Variants in GNPDA2 observed in about 807,000 individuals in gnomAD.
GNPDA2 encodes the protein glcN6P deaminase 2.
GNPDA2 carries 24 observed loss-of-function variants against 27.0 expected under a neutral mutation model. That is an observed-to-expected ratio of 0.89 (90% CI 0.64 to 1.25). GNPDA2 has a LOEUF of 1.25. Among genes scored for constraint, GNPDA2 ranks in the 50% most tolerant of loss-of-function variants. The probability of loss-of-function intolerance (pLI) is 0.00; values close to 1 mark genes in which losing one functional copy is unlikely to be tolerated. For missense variants in GNPDA2, 286 were observed against 335.1 expected, an observed-to-expected ratio of 0.85 and a Z score of 1.14; for synonymous variants, 94 against 108.4, an observed-to-expected ratio of 0.87 and a Z score of 0.83.
chr4:44,709,941 C>T (rs139245792), intron 5 of GNPDA2, among the ~76,000 whole-genome samples: 2 of 152,202 alleles, frequency 1.3e-5, no homozygotes, highest in Admixed American at 6.5e-5. Flanking sequence ...TCACACACTG[C>T]ACTCCTGTCT....
Position 44,717,191 on chromosome 4 carries a change from C to A in GNPDA2, c.331G>T (p.Ala111Ser). 6.2e-7 allele frequency: 1 copy of A among 1,607,750 alleles called. No individual in the cohort carries two copies. Residue 111 changes from alanine to serine, a missense_variant, in exon 4 of 7, where the codon GCT becomes TCT. By Grantham distance (99) the Ala-to-Ser change is moderately conservative. Coordinates refer to ENST00000295448, the MANE Select transcript of GNPDA2 (RefSeq NM_138335.3). Reference protein sequence around the residue: ...PNNAHILDGNAADLQAECDAF... With the variant: ...PNNAHILDGNSADLQAECDAF... ...TCACATTCTGCTTGTAAATCTGCAG[C>A]ATTCCCGTCAAGGATATGTGCATTA...
intron 5 of GNPDA2, among the ~76,000 whole-genome samples, chr4:44,710,114 A>C (rs1281761578): frequency 1.3e-5 from 2 of 152,148 alleles, no homozygotes; most frequent in African/African-American, 4.8e-5. Flanking sequence ...TCCTTTTTTC[A>C]ACTTATTGAC....
chr4:44,703,820 G>A, intron 6 of GNPDA2: 1 of 985,150 alleles, frequency 1.0e-6, no homozygotes. Flanking sequence ...TGATCTTCCA[G>A]TTACTCCTGT....
At chr4:44,712,955 T>C (rs946849860) in intron 4 of GNPDA2, among the ~76,000 whole-genome samples, 2 of 152,246 alleles carry the variant, frequency 1.3e-5, no homozygotes, top group African/African-American at 4.8e-5. Flanking sequence ...GTCATTCCTG[T>C]GTTCCTACAG....
intron 5 of GNPDA2, 55 bp from the exon 6 acceptor site, chr4:44,707,981 C>CT (rs1167094101): frequency 2.3e-6 from 3 of 1,286,652 alleles, no homozygotes; most frequent in African/African-American, 1.5e-5. Context: ...GTAAGAAGCT[C>CT]TATTTTTTTT....
intron 1 of GNPDA2, among the ~76,000 whole-genome samples, chr4:44,722,927 T>C (rs1045306753): frequency 2.6e-5 from 4 of 152,134 alleles, no homozygotes; most frequent in African/African-American, 9.7e-5. Context: ...AAGGTCAGAA[T>C]TCAAATTATA....
Position 44,718,331 on chromosome 4 carries a change from G to T in GNPDA2, c.204C>A (p.Thr68=). 1 of 1,297,248 alleles carries T rather than the reference G, an allele frequency of 7.7e-7. No homozygotes were observed. The allele number at this position is 1,297,248 out of a possible 1,614,324, so 80.4% of individuals were successfully genotyped here. ...NGHLSFKYVK[T]FNMDEYVGLP... Reference sequence around the variant, plus strand: ...TACCTACATATTCATCCATATTAAAGGTCTTCACATATTTAAAAGAAAGGT... The same window carrying T: ...TACCTACATATTCATCCATATTAAATGTCTTCACATATTTAAAAGAAAGGT... Residue 68 remains threonine (T), a synonymous_variant, in exon 3 of 7, where the codon ACC becomes ACA. Coordinates refer to ENST00000295448, the MANE Select transcript of GNPDA2 (RefSeq NM_138335.3).
chr4:44,726,439 C>T (rs1437238265), intron 1 of GNPDA2, 35 bp downstream of exon 1: 1 of 152,372 alleles, frequency 6.6e-6, no homozygotes, highest in East Asian at 1.9e-4. Flanking sequence ...GAGTCCCCTT[C>T]TTGGCGCCCC....
At chr4:44,714,313 T>C (rs1360084553) in intron 4 of GNPDA2, 2 of 985,200 alleles carry the variant, frequency 2.0e-6, no homozygotes, top group Non-Finnish European at 2.4e-6. Context: ...TTGTATATCT[T>C]ATTGCTGGGG....
intron 1 of GNPDA2, among the ~76,000 whole-genome samples, chr4:44,725,356 G>T (rs1717944778): frequency 6.6e-6 from 1 of 152,188 alleles, no homozygotes; most frequent in Non-Finnish European, 1.5e-5. Flanking sequence ...ATTAGCCAAA[G>T]ATGTCTTACC....
chr4:44,709,578 A>C (rs1716842580), intron 5 of GNPDA2, among the ~76,000 whole-genome samples: 1 of 152,144 alleles, frequency 6.6e-6, no homozygotes, highest in Admixed American at 6.6e-5. Context: ...TTTGCTACTT[A>C]AGTGTAGCAA....
At chr4:44,721,237 A>C (rs1717646633) in intron 2 of GNPDA2, among the ~76,000 whole-genome samples, 1 of 152,188 alleles carries the variant, frequency 6.6e-6, no homozygotes, top group Non-Finnish European at 1.5e-5. Context: ...TGGAGAAAAC[A>C]GTCTGTTTAA....
At chr4:44,703,833 T>C in intron 6 of GNPDA2, 2 of 985,194 alleles carry the variant, frequency 2.0e-6, no homozygotes, top group Non-Finnish European at 2.4e-6. Flanking sequence ...ACTCCTGTTT[T>C]AATGCCTCAG....
chr4:44,703,476 A>G, intron 6 of GNPDA2: 1 of 1,035,970 alleles, frequency 9.7e-7, no homozygotes, highest in Non-Finnish European at 1.2e-6. Context: ...AATTATATCT[A>G]AAAGTCTATG....
chr4:44,716,359 GA>G (rs1717282256), intron 4 of GNPDA2, among the ~76,000 whole-genome samples: 1 of 151,810 alleles, frequency 6.6e-6, no homozygotes, highest in African/African-American at 2.4e-5. Context: ...ATTTTTAGTT[GA>G]ATATTAAAGA....
rs1195593763 is a variant in GNPDA2, at chr4:44,710,667, G to A, written c.594+286C>T. 3.9e-5 allele frequency among the ~76,000 whole-genome samples: 6 copies of A among 152,228 alleles called. No homozygotes were observed. In the South Asian group the frequency reaches 6.2e-4, roughly 16 times the overall value. On this transcript the variant is annotated intron_variant, in intron 5 of 6. Coordinates refer to ENST00000295448, the MANE Select transcript of GNPDA2 (RefSeq NM_138335.3). ...GAGACACTTTCAATAAAAAACAAACGATGTGATCAGTAAGATTTTAGGACC... is the reference window on the plus strand; with the variant it reads ...GAGACACTTTCAATAAAAAACAAACAATGTGATCAGTAAGATTTTAGGACC...
At chr4:44,717,007 C>A in intron 4 of GNPDA2, 106 bp downstream of exon 4, 1 of 680,176 alleles carries the variant, frequency 1.5e-6, no homozygotes, top group Admixed American at 3.0e-5. Flanking sequence ...TTACGGACAG[C>A]CACAGGTGCT....
At chr4:44,709,800 CAA>C (rs36001584) in intron 5 of GNPDA2, among the ~76,000 whole-genome samples, 55 of 145,318 alleles carry the variant, frequency 3.8e-4, no homozygotes, top group East Asian at 6.0e-4. Flanking sequence ...TTGTCACTTC[CAA>C]AAAAAAAAAA....
chr4:44,726,286 A>G (rs1264174109), intron 1 of GNPDA2, among the ~76,000 whole-genome samples, 188 bp downstream of exon 1: 1 of 152,132 alleles, frequency 6.6e-6, no homozygotes, highest in Non-Finnish European at 1.5e-5. Context: ...CGGAGAGGAC[A>G]ACCAGGTCCG....
Sources: gnomAD v4.1 joint callset for allele counts (sites outside exome capture counted in the v4.1 genomes callset) on GRCh38, gnomAD v4.1.1 for gene constraint, MANE v1.5 for transcripts, NCBI Gene and HGNC (gene_info 2026-07-23, HGNC 2026-07-21) for gene names.